Variants in MRTFA observed in about 807,000 individuals in gnomAD.
MRTFA encodes the protein myocardin related transcription factor A, also known as myocardin-related transcription factor A.
Under a neutral mutation model 83.5 loss-of-function variants are expected in MRTFA, and 20 were observed. The ratio of observed to expected loss-of-function variants is 0.24; its 90% CI spans 0.17 to 0.35. MRTFA has a LOEUF of 0.35. Ranked by LOEUF, MRTFA falls within the 10% of genes least tolerant of loss-of-function variation. MRTFA has a pLI of 1.00. For missense variants in MRTFA, 1,200 were observed against 1,224.7 expected (o/e 0.98, Z 0.30); for synonymous variants, 659 against 541.2 (o/e 1.22, Z -3.02).
In MRTFA at chr22:40,418,796, C is replaced by G. The variant is rs1398387884; in HGVS notation, c.1942G>C (p.Val648Leu). The G allele has an allele frequency of 6.2e-7, 1 of 1,600,078 alleles. No homozygotes were observed. The highest frequency in any genetic ancestry group is 1.1e-5 in the South Asian group (1 of 90,000). The change falls in exon 12 of 15, where the codon GTG becomes CTG. Residue 648 changes from valine (V) to leucine (L), a missense_variant. By Grantham distance (32) the Val-to-Leu change is conservative. Around this residue, in one of 2 missense-constraint regions of MRTFA, gnomAD observed 1,107 missense variants for 1,041.8 expected, o/e 1.06. Coordinates refer to ENST00000355630, the MANE Select transcript of MRTFA (RefSeq NM_020831.6). ...TCCAGCTGCAGCTTGAGCCGCTCCACCAGCTGCTGCTTCTGCCGGAGCATG... is the reference window on the plus strand; with the variant it reads ...TCCAGCTGCAGCTTGAGCCGCTCCAGCAGCTGCTGCTTCTGCCGGAGCATG...
At chr22:40,460,544 A>T (rs2053692307) in intron 4 of MRTFA, among the ~76,000 whole-genome samples, 1 of 152,190 alleles carries the variant, frequency 6.6e-6, no homozygotes, top group Admixed American at 6.5e-5. Context: ...GGCAGATACC[A>T]TGCCTCTTAC....
At chr22:40,413,938 T>G (rs1569246490) in intron 14 of MRTFA, among the ~76,000 whole-genome samples, 3 of 152,164 alleles carry the variant, frequency 2.0e-5, no homozygotes, top group Non-Finnish European at 2.9e-5. Flanking sequence ...GAAGTGCTGG[T>G]GAGGAGGTGA....
chr22:40,417,096 C>A (rs1424187277), intron 13 of MRTFA, 50 bp from the exon 14 acceptor site: 1 of 1,538,998 alleles, frequency 6.5e-7, no homozygotes, highest in Non-Finnish European at 8.8e-7. Flanking sequence ...TGAATGGGGG[C>A]TCCCAGCCCG....
chr22:40,589,246 T>A (rs1343192131), intron 2 of MRTFA, among the ~76,000 whole-genome samples: 1 of 152,184 alleles, frequency 6.6e-6, no homozygotes, highest in African/African-American at 2.4e-5. Flanking sequence ...TACATTTATA[T>A]GTTTATGTAT....
intron 1 of MRTFA, among the ~76,000 whole-genome samples, chr22:40,603,535 T>C (rs1172437330): frequency 3.9e-5 from 6 of 152,064 alleles, no homozygotes; most frequent in African/African-American, 1.4e-4. Context: ...GTCTTGGGAG[T>C]GGCTTAGCAC....
chr22:40,521,256 T>G (rs189287910), intron 3 of MRTFA, among the ~76,000 whole-genome samples: 97 of 152,270 alleles, frequency 6.4e-4, no homozygotes, highest in Non-Finnish European at 1.1e-3. Context: ...CCACATCTAC[T>G]TTCAGCCCCA....
intron 3 of MRTFA, among the ~76,000 whole-genome samples, chr22:40,480,217 C>G (rs1220327873): frequency 6.6e-6 from 1 of 151,980 alleles, no homozygotes; most frequent in Admixed American, 6.6e-5. Flanking sequence ...GAATGTATAG[C>G]CTGAATCTTC....
rs957250982 is a variant in MRTFA at position 40,411,875 on chromosome 22, G to A, written c.2611C>T (p.Leu871=). The change falls in exon 15 of 15, where the codon CTG becomes TTG. Residue 871 remains leucine, a synonymous_variant. Transcript: ENST00000355630. ...GGGGATGGCTTCTCCTTCCCTGGCAGGGATGGCGGCTCCTTGAAATCTGCT... is the reference window on the plus strand; with the variant it reads ...GGGGATGGCTTCTCCTTCCCTGGCAAGGATGGCGGCTCCTTGAAATCTGCT... 8.8e-6 allele frequency: 13 copies of A among 1,485,704 alleles called. No individual in the cohort carries two copies. The highest frequency in any genetic ancestry group is 1.2e-5 in the Non-Finnish European group (13 of 1,116,608). The allele number at this position is 1,485,704 out of a possible 1,614,324, so 92.0% of individuals were successfully genotyped here. A position where few individuals can be genotyped will look rare whatever the true frequency, so the allele number is the denominator to read the frequency against.
chr22:40,477,036 G>A (rs1353447708), intron 3 of MRTFA, among the ~76,000 whole-genome samples: 1 of 151,944 alleles, frequency 6.6e-6, no homozygotes, highest in Admixed American at 6.6e-5. Flanking sequence ...TACACCTACA[G>A]AAATGACCTC....
chr22:40,490,063 A>C (rs1294104477), intron 3 of MRTFA, among the ~76,000 whole-genome samples: 2 of 151,742 alleles, frequency 1.3e-5, no homozygotes, highest in Non-Finnish European at 2.9e-5. Context: ...ACAAGCCTGA[A>C]TCTCTATTGC....
intron 1 of MRTFA, among the ~76,000 whole-genome samples, chr22:40,621,543 C>T (rs922270688): frequency 1.3e-5 from 2 of 152,120 alleles, no homozygotes; most frequent in African/African-American, 2.4e-5. Flanking sequence ...AGATGAACGG[C>T]GGTGATGGTT....
chr22:40,463,152 G>T, intron 4 of MRTFA, 69 bp downstream of exon 4: 1 of 1,303,564 alleles, frequency 7.7e-7, no homozygotes, highest in Non-Finnish European at 1.1e-6. Flanking sequence ...TGCTTCCCAT[G>T]GCATACTCGG....
intron 1 of MRTFA, among the ~76,000 whole-genome samples, chr22:40,608,021 T>G (rs1192541955): frequency 6.6e-6 from 1 of 151,472 alleles, no homozygotes; most frequent in Non-Finnish European, 1.5e-5. Context: ...CCATCAGGGG[T>G]CATCTTTTTG....
chr22:40,606,531 T>G (rs2056320545), intron 1 of MRTFA, among the ~76,000 whole-genome samples: 1 of 152,226 alleles, frequency 6.6e-6, no homozygotes, highest in Non-Finnish European at 1.5e-5. Context: ...AGCTATTAAG[T>G]AGCTTCCATG....
At chr22:40,635,274 C>A (rs564691035) in intron 1 of MRTFA, among the ~76,000 whole-genome samples, 2 of 152,224 alleles carry the variant, frequency 1.3e-5, no homozygotes, top group East Asian at 1.9e-4. Context: ...AGTAAAACTG[C>A]GTAAGTGACA....
At position 40,531,758 on chromosome 22, in the gene MRTFA, TAAAG is replaced by T. The variant is rs1333509468; in HGVS notation, c.241+20344_241+20347del. 4.6e-5 allele frequency among the ~76,000 whole-genome samples: 7 copies of T among 152,168 alleles called. No individual in the cohort carries two copies. In the East Asian group the frequency reaches 1.3e-3, roughly 29 times the overall value. On this transcript the variant is annotated intron_variant, in intron 3 of 14. Transcript: ENST00000355630. ...ACAGATGCTTTTTCATTTCCTATCA[TAAAG>T]AGAGACAGTATTTTACTATACAGCT... is the stretch of plus-strand genomic sequence containing the variant.
chr22:40,508,829 G>C (rs937352410), intron 3 of MRTFA, among the ~76,000 whole-genome samples: 1 of 149,092 alleles, frequency 6.7e-6, no homozygotes, highest in Admixed American at 6.7e-5. Flanking sequence ...GGGCAACATA[G>C]CGAGACTCTG....
At chr22:40,456,768 C>T (rs533818265) in intron 4 of MRTFA, among the ~76,000 whole-genome samples, 3 of 152,246 alleles carry the variant, frequency 2.0e-5, no homozygotes, top group South Asian at 2.1e-4. Context: ...GTTACTGTAT[C>T]GGCTCAGCCT....
At chr22:40,557,660 G>C (rs1481902761) in intron 2 of MRTFA, among the ~76,000 whole-genome samples, 1 of 152,114 alleles carries the variant, frequency 6.6e-6, no homozygotes, top group Non-Finnish European at 1.5e-5. Context: ...AGGAAAAAAA[G>C]TGGTTAAAAG....
Sources: allele counts gnomAD v4.1 joint callset (sites outside exome capture counted in the v4.1 genomes callset), GRCh38; gene constraint gnomAD v4.1.1; regional missense constraint gnomAD v4.1.1; transcripts MANE v1.5; gene names NCBI Gene and HGNC (gene_info 2026-07-23, HGNC 2026-07-21).